The following GAS7 variants were observed in gnomAD, a reference collection of about 807,000 sequenced individuals.
GAS7 encodes the protein growth arrest specific 7.
Under a neutral mutation model 71.1 loss-of-function variants are expected in GAS7, and 28 were observed. The ratio of observed to expected loss-of-function variants is 0.39; its 90% CI spans 0.29 to 0.54. The LOEUF (loss-of-function observed/expected upper bound fraction) is 0.54. GAS7 is among the 20% of genes least tolerant of loss of function. The pLI is 0.62. For missense variants in GAS7, 436 were observed against 627.8 expected, an observed-to-expected ratio of 0.69 and a Z score of 3.27; for synonymous variants, 258 against 245.8, an observed-to-expected ratio of 1.05 and a Z score of -0.46.
At chr17:9,955,991 G>A (rs1377919589) in intron 5 of GAS7, among the ~76,000 whole-genome samples, 1 of 152,218 alleles carries the variant, frequency 6.6e-6, no homozygotes, top group African/African-American at 2.4e-5. Flanking sequence ...CCTCCCAGAA[G>A]CTCTCTGAGG....
chr17:9,911,817 C>T lies in GAS7; in HGVS notation c.*5411G>A, dbSNP rs1353690171. ...TGTCTCTGGTTCGCATAGAGAGGTA[C>T]CCAACTGGTCTCGGGACTCACCTTT... On this transcript the variant is annotated 3_prime_UTR_variant, in exon 14 of 14. Transcript: ENST00000432992. This position sits in a 1 kb window ranked among gnomAD's most constrained non-coding sequence, Gnocchi z 4.0. The T allele has an allele frequency of 8.6e-6, 2 of 231,652 alleles. No individual in the cohort carries two copies. Among genetic ancestry groups the T allele is most frequent in the African/African-American group, 4.4e-5 (2 of 45,248 alleles). 14.3% of individuals were successfully genotyped at this position (231,652 alleles called of 1,614,324 possible).
chr17:10,178,759 T>C (rs977462657), intron 1 of GAS7, among the ~76,000 whole-genome samples: 5 of 135,460 alleles, frequency 3.7e-5, no homozygotes, highest in Non-Finnish European at 7.7e-5. Context: ...TTGCCTCCTC[T>C]TTTCAAAGCA....
chr17:9,970,310 T>G, intron 3 of GAS7, among the ~76,000 whole-genome samples: 1 of 152,156 alleles, frequency 6.6e-6, no homozygotes, highest in East Asian at 1.9e-4. Flanking sequence ...ACTTCATTCT[T>G]GAGTCACCGT....
rs189156469 is a variant in GAS7 at position 10,117,171 on chromosome 17, C to G, written c.183+81037G>C. ...CTTTGCCTTTCTCAGCTTCTGGAGC[C>G]CACCCACTTTCCCTGGCTTTCGGCC... is the stretch of plus-strand genomic sequence containing the variant. On this transcript the variant is annotated intron_variant, in intron 1 of 13. Transcript: ENST00000432992. 1.2e-3 allele frequency among the ~76,000 whole-genome samples: 180 copies of G among 152,194 alleles called. 7 individuals are homozygous for G. In the South Asian group the frequency reaches 0.02, roughly 17 times the overall value.
chr17:10,044,535 T>G (rs551908124), intron 1 of GAS7, among the ~76,000 whole-genome samples: 1 of 152,374 alleles, frequency 6.6e-6, no homozygotes, highest in African/African-American at 2.4e-5. Flanking sequence ...TTTGTATGTA[T>G]TTTGTGGTAG....
At chr17:10,115,344 A>T (rs950870903) in intron 1 of GAS7, among the ~76,000 whole-genome samples, 2 of 152,138 alleles carry the variant, frequency 1.3e-5, no homozygotes, top group Non-Finnish European at 2.9e-5. Context: ...ACGCTGCAAA[A>T]ACACAGCTGT....
chr17:9,914,764 G>A lies in GAS7; in HGVS notation c.*2464C>T, dbSNP rs560526612. The A allele has an allele frequency of 8.4e-5, 19 of 227,052 alleles. 1 individual carries two copies. The highest frequency in any genetic ancestry group is 3.5e-4 in the African/African-American group (16 of 45,088). 14.1% of individuals were successfully genotyped at this position (227,052 alleles called of 1,614,324 possible). Reference sequence around the variant, plus strand: ...CTCAGTCGACATGGAGAATAGAGGAGAGCAGAGGAATGCCCATCTTACATA... The same window carrying A: ...CTCAGTCGACATGGAGAATAGAGGAAAGCAGAGGAATGCCCATCTTACATA... On this transcript the variant is annotated 3_prime_UTR_variant, in exon 14 of 14. Transcript: ENST00000432992.
chr17:10,008,183 G>A (rs2071615720), intron 2 of GAS7, among the ~76,000 whole-genome samples: 1 of 147,832 alleles, frequency 6.8e-6, no homozygotes, highest in Non-Finnish European at 1.5e-5. Flanking sequence ...ATGCTCCTCT[G>A]AACTGAGCAT....
At chr17:10,166,370 T>C (rs2074294249) in intron 1 of GAS7, among the ~76,000 whole-genome samples, 1 of 152,224 alleles carries the variant, frequency 6.6e-6, no homozygotes, top group Admixed American at 6.5e-5. Context: ...CCAAGGGACC[T>C]CCTTCAACTC....
At position 9,946,588 on chromosome 17, in the gene GAS7, T is replaced by C. The variant is rs143327246; in HGVS notation, c.615+306A>G. ...CAGGTATGGAGCCCACGTTCATTTA[T>C]TGAGGCAGATTCTAGTCTCCTGCCT... On this transcript the variant is annotated intron_variant, in intron 6 of 13. Coordinates refer to ENST00000432992, the MANE Select transcript of GAS7 (RefSeq NM_201433.2). Among the ~76,000 whole-genome samples, 362 of 152,296 alleles carry C rather than the reference T, an allele frequency of 2.4e-3. 4 individuals are homozygous for C. Among genetic ancestry groups the C allele is most frequent in the Middle Eastern group, 0.01 (3 of 294 alleles).
rs776098356 is a variant in GAS7 at position 9,969,705 on chromosome 17, C to T, written c.443G>A (p.Ser148Asn). ...GGAATCACCGGTGGATTTTCGGACA[C>T]TCATGTGGGCAGTCTCTGGAGGGTG... ...PAHPPETAHM[S>N]VRKSTGDSQN... is the part of the protein sequence containing the mutation. The change falls in exon 4 of 14, where the codon AGT becomes AAT. Residue 148 changes from serine to asparagine, a missense_variant. Ser to Asn is a conservative substitution (Grantham distance 46). Coordinates refer to ENST00000432992, the MANE Select transcript of GAS7 (RefSeq NM_201433.2). The surrounding 1 kb of genome is among the most constrained non-coding windows in gnomAD (Gnocchi z 5.5). The T allele has an allele frequency of 6.2e-7, 1 of 1,612,128 alleles. No individual in the cohort carries two copies. The highest frequency in any genetic ancestry group is 8.5e-7 in the Non-Finnish European group (1 of 1,178,150).
At chr17:10,132,522 T>C (rs1299630878) in intron 1 of GAS7, among the ~76,000 whole-genome samples, 4 of 152,142 alleles carry the variant, frequency 2.6e-5, no homozygotes, top group East Asian at 1.9e-4. Flanking sequence ...TCCCAGCACT[T>C]TGGGAGGCCG....
At chr17:9,928,119 A>AT (rs1319278537) in intron 9 of GAS7, among the ~76,000 whole-genome samples, 180 of 145,714 alleles carry the variant, frequency 1.2e-3, no homozygotes, top group African/African-American at 4.0e-3. Flanking sequence ...TTATTTATTT[A>AT]TTTATTTTTT....
intron 1 of GAS7, among the ~76,000 whole-genome samples, chr17:10,084,105 T>C (rs776286028): frequency 1.3e-5 from 2 of 152,116 alleles, no homozygotes; most frequent in African/African-American, 2.4e-5. Context: ...GTGGTGGAAT[T>C]TGCAGTGAGG....
rs2069392838 is a variant in GAS7, at chr17:9,959,520, C to G, written c.472-265G>C. On this transcript the variant is annotated intron_variant, in intron 4 of 13. Transcript: ENST00000432992. This position sits in a 1 kb window ranked among gnomAD's most constrained non-coding sequence, Gnocchi z 5.0. ...TGCTCCAAACCAGGTCTCCCCTCCT[C>G]TTCTCTCAGTCTGTGATTTGGGGAG... is the stretch of plus-strand genomic sequence containing the variant. 1 of 1,225,604 alleles carries G rather than the reference C, an allele frequency of 8.2e-7. No individual in the cohort carries two copies. Among genetic ancestry groups the G allele is most frequent in the Admixed American group, 3.4e-5 (1 of 29,480 alleles). The allele number at this position is 1,225,604 out of a possible 1,614,324, so 75.9% of individuals were successfully genotyped here.
intron 5 of GAS7, among the ~76,000 whole-genome samples, chr17:9,950,148 GC>G (rs948928416): frequency 1.3e-5 from 2 of 152,066 alleles, no homozygotes; most frequent in African/African-American, 4.8e-5. Context: ...ACAGGCATGA[GC>G]CACTGTGCTG....
At chr17:9,951,158 T>C (rs1156507581) in intron 5 of GAS7, among the ~76,000 whole-genome samples, 3 of 152,236 alleles carry the variant, frequency 2.0e-5, no homozygotes, top group Non-Finnish European at 4.4e-5. Context: ...GTGCACAGAT[T>C]CCTTATTTTG....
intron 1 of GAS7, among the ~76,000 whole-genome samples, chr17:10,105,338 T>C (rs553849119): frequency 6.6e-6 from 1 of 152,202 alleles, no homozygotes; most frequent in Non-Finnish European, 1.5e-5. Context: ...CTCCAGCACC[T>C]GCCTGCAGCC....
intron 2 of GAS7, among the ~76,000 whole-genome samples, chr17:10,013,619 A>C (rs925380510): frequency 4.6e-5 from 7 of 152,218 alleles, no homozygotes; most frequent in Non-Finnish European, 1.0e-4. Context: ...GTTTATATGA[A>C]AGCAACGGCA....
Sources: gnomAD v4.1 joint callset for allele counts (sites outside exome capture counted in the v4.1 genomes callset) on GRCh38, gnomAD v4.1.1 for gene constraint, Gnocchi (gnomAD v3.1) non-coding constraint, MANE v1.5 for transcripts, NCBI Gene and HGNC (gene_info 2026-07-23, HGNC 2026-07-21) for gene names.